Variants in UBE2E2 observed in about 807,000 individuals in gnomAD.
UBE2E2 encodes the protein ubiquitin-conjugating enzyme E2 E2.
A neutral mutation model predicts 24.7 loss-of-function variants in UBE2E2; 6 were observed. That is an observed-to-expected ratio of 0.24 (90% CI 0.13 to 0.48). UBE2E2 has a LOEUF of 0.48. UBE2E2 is among the 20% of genes least tolerant of loss of function. The probability of loss-of-function intolerance (pLI) is 0.99; values close to 1 mark genes in which losing one functional copy is unlikely to be tolerated. For missense variants in UBE2E2, 169 were observed against 245.0 expected, an observed-to-expected ratio of 0.69 and a Z score of 2.07; for synonymous variants, 104 against 83.6, an observed-to-expected ratio of 1.24 and a Z score of -1.33.
At chr3:23,426,417 C>CA (rs34164749) in intron 3 of UBE2E2, among the ~76,000 whole-genome samples, 8,992 of 119,936 alleles carry the variant, frequency 0.075, 420 homozygotes, top group African/African-American at 0.14. Flanking sequence ...AGGATAAATG[C>CA]AAAAAAAAAA....
intron 3 of UBE2E2, among the ~76,000 whole-genome samples, chr3:23,349,587 C>T (rs565314831): frequency 1.5e-4 from 23 of 152,346 alleles, no homozygotes; most frequent in Admixed American, 8.5e-4. Context: ...TTATATCCCA[C>T]GCAAGGCTCG....
intron 3 of UBE2E2, among the ~76,000 whole-genome samples, chr3:23,265,180 G>C (rs78217604): frequency 6.6e-6 from 1 of 152,096 alleles, no homozygotes; most frequent in East Asian, 1.9e-4. Flanking sequence ...AAGAAGGAAC[G>C]AATGGAGAAG....
chr3:23,300,778 C>G (rs963063195), intron 3 of UBE2E2, among the ~76,000 whole-genome samples: 18 of 152,130 alleles, frequency 1.2e-4, no homozygotes, highest in African/African-American at 4.3e-4. Context: ...TTGCTCTTCT[C>G]GAGAAGTATC....
At chr3:23,567,656 G>T (rs1696108873) in intron 5 of UBE2E2, among the ~76,000 whole-genome samples, 1 of 152,054 alleles carries the variant, frequency 6.6e-6, no homozygotes, top group Non-Finnish European at 1.5e-5. Flanking sequence ...TGATCCTATG[G>T]GTATAAATAT....
intron 4 of UBE2E2, among the ~76,000 whole-genome samples, chr3:23,510,711 T>C (rs577140060): frequency 2.0e-5 from 3 of 152,338 alleles, no homozygotes; most frequent in African/African-American, 4.8e-5. Context: ...ATTTTTCTTA[T>C]GGTATCAGTG....
intron 3 of UBE2E2, among the ~76,000 whole-genome samples, chr3:23,332,207 A>T (rs536836546): frequency 6.6e-6 from 1 of 152,210 alleles, no homozygotes; most frequent in African/African-American, 2.4e-5. Flanking sequence ...ACAGAGTGGC[A>T]TGATGTCGGA....
intron 3 of UBE2E2, among the ~76,000 whole-genome samples, chr3:23,258,817 C>T (rs534682154): frequency 2.8e-5 from 4 of 141,256 alleles, no homozygotes; most frequent in South Asian, 2.4e-4. Context: ...GGCGTGAACC[C>T]GGGAGGCGGA....
intron 3 of UBE2E2, among the ~76,000 whole-genome samples, chr3:23,348,368 T>TAAA (rs1695624731): frequency 7.5e-6 from 1 of 134,090 alleles, no homozygotes; most frequent in Non-Finnish European, 1.6e-5. Flanking sequence ...AAAAAAAGAA[T>TAAA]AGTCCATAGG....
chr3:23,394,787 A>G (rs2125364531), intron 3 of UBE2E2, among the ~76,000 whole-genome samples: 1 of 152,290 alleles, frequency 6.6e-6, no homozygotes, highest in Middle Eastern at 3.4e-3. Flanking sequence ...GATCCCCAAA[A>G]GGTAGAACAG....
intron 3 of UBE2E2, among the ~76,000 whole-genome samples, chr3:23,222,655 G>C (rs373434297): frequency 6.6e-6 from 1 of 152,306 alleles, no homozygotes; most frequent in East Asian, 1.9e-4. Context: ...TCCATTAAAC[G>C]TCTTTTTGTA....
intron 3 of UBE2E2, among the ~76,000 whole-genome samples, chr3:23,358,595 T>C (rs1696030774): frequency 6.6e-6 from 1 of 152,228 alleles, no homozygotes; most frequent in African/African-American, 2.4e-5. Flanking sequence ...GAGAATTAAA[T>C]TCATATACTG....
intron 3 of UBE2E2, among the ~76,000 whole-genome samples, chr3:23,283,763 A>G (rs1575530607): frequency 6.6e-6 from 1 of 152,142 alleles, no homozygotes; most frequent in East Asian, 1.9e-4. Flanking sequence ...AAAACAAAAC[A>G]AAACAAAGCC....
intron 3 of UBE2E2, among the ~76,000 whole-genome samples, chr3:23,250,518 T>C (rs889169605): frequency 6.6e-6 from 1 of 152,236 alleles, no homozygotes; most frequent in African/African-American, 2.4e-5. Context: ...TATTTTAGTA[T>C]TGTTTCCTCA....
At chr3:23,412,855 A>G (rs1559376359) in intron 3 of UBE2E2, among the ~76,000 whole-genome samples, 1 of 152,186 alleles carries the variant, frequency 6.6e-6, no homozygotes, top group East Asian at 1.9e-4. Context: ...CTTGTGTTTA[A>G]CAAGCCTTCC....
chr3:23,375,500 G>C (rs977191434), intron 3 of UBE2E2, among the ~76,000 whole-genome samples: 1 of 152,140 alleles, frequency 6.6e-6, no homozygotes, highest in Non-Finnish European at 1.5e-5. Context: ...GACTTGGACA[G>C]CAATACATAG....
chr3:23,458,429 T>TGGTGGTGGTG (rs1390149541), intron 3 of UBE2E2, among the ~76,000 whole-genome samples: 1,365 of 72,990 alleles, frequency 0.019, 21 homozygotes, highest in African/African-American at 0.082. Context: ...TGGTGGTGGT[T>TGGTGGTGGTG]GTTGTTGTTT....
intron 3 of UBE2E2, among the ~76,000 whole-genome samples, chr3:23,353,450 C>G (rs543682016): frequency 1.5e-4 from 23 of 152,296 alleles, no homozygotes; most frequent in African/African-American, 5.5e-4. Context: ...CAAATTGTCC[C>G]TGTTTGCAGA....
At chr3:23,296,620 C>T (rs1321887704) in intron 3 of UBE2E2, among the ~76,000 whole-genome samples, 1 of 152,124 alleles carries the variant, frequency 6.6e-6, no homozygotes, top group African/African-American at 2.4e-5. Flanking sequence ...CATCCATGTC[C>T]CTGCAAAGGA....
chr3:23,398,324 C>A (rs778505), intron 3 of UBE2E2, among the ~76,000 whole-genome samples: 90,350 of 139,278 alleles, frequency 0.65, 31,248 homozygotes, highest in African/African-American at 0.88. Context: ...AAAAAAAAAA[C>A]AAAAAAAAAC....
Sources: allele counts gnomAD v4.1 joint callset (sites outside exome capture counted in the v4.1 genomes callset), GRCh38; gene constraint gnomAD v4.1.1; transcripts MANE v1.5; gene names NCBI Gene and HGNC (gene_info 2026-07-23, HGNC 2026-07-21).